Variants in PCDHA3 observed in about 807,000 individuals in gnomAD.
PCDHA3 encodes protocadherin alpha 3.
Under a neutral mutation model 62.2 loss-of-function variants are expected in PCDHA3, and 41 were observed. The ratio of observed to expected loss-of-function variants is 0.66; its 90% CI spans 0.51 to 0.86. The LOEUF (loss-of-function observed/expected upper bound fraction) is 0.86, where lower values mean the gene tolerates loss of function less well. Among genes scored for constraint, PCDHA3 ranks in the 40% least tolerant of loss-of-function variants. PCDHA3 has a pLI of 0.00. For synonymous variants in PCDHA3, 640 were observed against 555.4 expected (o/e 1.15, Z -2.14); for missense variants, 1,304 against 1,241.2 (o/e 1.05, Z -0.76).
chr5:140,890,621 A>G (rs1209531386), intron 1 of PCDHA3, among the ~76,000 whole-genome samples: 1 of 152,174 alleles, frequency 6.6e-6, no homozygotes, highest in Non-Finnish European at 1.5e-5. Context: ...TACCCTAGAA[A>G]ATTAAGCATG....
chr5:140,839,283 C>A (rs1309701563), intron 1 of PCDHA3, among the ~76,000 whole-genome samples: 1 of 151,960 alleles, frequency 6.6e-6, no homozygotes, highest in Non-Finnish European at 1.5e-5. Context: ...ACCTTCCTAG[C>A]ATATTATTAA....
At position 140,801,138 on chromosome 5, in the gene PCDHA3, G is replaced by A. The variant is rs1310225989; in HGVS notation, c.-60G>A. On this transcript the variant is annotated 5_prime_UTR_variant, in exon 1 of 4. Coordinates refer to ENST00000522353, the MANE Select transcript of PCDHA3 (RefSeq NM_018906.3). ...TTTAAGAAATGAAGATAAGGAACTC[G>A]AATTATTTTTAAACTTTGGATCAAT... 2 of 1,525,294 alleles carry A rather than the reference G, an allele frequency of 1.3e-6. No individual in the cohort carries two copies. The highest frequency in any genetic ancestry group is 2.3e-5 in the East Asian group (1 of 44,208). The allele number at this position is 1,525,294 out of a possible 1,614,324, so 94.5% of individuals were successfully genotyped here.
In PCDHA3 at chr5:140,843,032, G is replaced by A. The variant is rs2150350640; in HGVS notation, c.2394+39441G>A. The stretch of plus-strand genomic sequence containing the variant: ...GCCGGCACTGCTGGAGCCTCGGGTG[G>A]GTGGCACTGGTGGCGCAGCGAGCAA... On this transcript the variant is annotated intron_variant, in intron 1 of 3. Coordinates refer to ENST00000522353, the MANE Select transcript of PCDHA3 (RefSeq NM_018906.3). 13 of 1,595,002 alleles carry A rather than the reference G, an allele frequency of 8.2e-6. 1 individual carries two copies. In the South Asian group the frequency reaches 1.1e-4, roughly 14 times the overall value.
chr5:140,941,202 C>CTTT (rs1554213921), intron 1 of PCDHA3, among the ~76,000 whole-genome samples: 9,869 of 122,696 alleles, frequency 0.08, 560 homozygotes, highest in East Asian at 0.13. Flanking sequence ...TTTCTTTCTT[C>CTTT]CTTTCTTTCT....
chr5:140,962,216 G>C (rs554182128), intron 1 of PCDHA3, among the ~76,000 whole-genome samples: 2 of 152,170 alleles, frequency 1.3e-5, no homozygotes, highest in African/African-American at 4.8e-5. Context: ...TATTGATCTT[G>C]AGGTTCAAGT....
At chr5:140,822,933 C>T in intron 1 of PCDHA3, 1 of 1,614,270 alleles carries the variant, frequency 6.2e-7, no homozygotes, top group Non-Finnish European at 8.5e-7. Flanking sequence ...AGGTGACCTG[C>T]TCCCTAATGC....
Position 140,843,444 on chromosome 5 carries a change from C to G in PCDHA3, c.2394+39853C>G. The G allele has an allele frequency of 1.3e-6, 2 of 1,596,146 alleles. 1 individual carries two copies. ...CTGATCATCGCCATCTGCGCGGTAT[C>G]CAGCCTGCTGGTGCTCACGCTGCTG... On this transcript the variant is annotated intron_variant, in intron 1 of 3. Transcript: ENST00000522353.
At chr5:140,838,277 C>T (rs1372363386) in intron 1 of PCDHA3, among the ~76,000 whole-genome samples, 8 of 74,794 alleles carry the variant, frequency 1.1e-4, no homozygotes, top group East Asian at 6.5e-4. Flanking sequence ...CCAAGCCATG[C>T]TAATTTTTTT....
rs1554122748 is a variant in PCDHA3, at chr5:140,803,351, T to C, written c.2154T>C (p.Tyr718=). 4.3e-6 allele frequency: 7 copies of C among 1,614,186 alleles called. No individual in the cohort carries two copies. Among genetic ancestry groups the C allele is most frequent in the Admixed American group, 1.7e-5 (1 of 60,032 alleles). The change falls in exon 1 of 4, where the codon TAT becomes TAC. Residue 718 remains tyrosine, a synonymous_variant. Coordinates refer to ENST00000522353, the MANE Select transcript of PCDHA3 (RefSeq NM_018906.3). Reference sequence around the variant, plus strand: ...TGTTGGTGCTCACACTGCTGCTATATACTGCTCTGCGGTGCTCCGCGCCGC... The same window carrying C: ...TGTTGGTGCTCACACTGCTGCTATACACTGCTCTGCGGTGCTCCGCGCCGC... ...SSLLVLTLLL[Y]TALRCSAPPT... is the part of the protein sequence containing the mutation.
chr5:140,839,371 A>G (rs1475600989), intron 1 of PCDHA3, among the ~76,000 whole-genome samples: 2 of 67,948 alleles, frequency 2.9e-5, no homozygotes, highest in Admixed American at 1.8e-4. Context: ...AGCTGTATTC[A>G]TCAATTATTA....
At chr5:140,944,335 G>A (rs1196825895) in intron 1 of PCDHA3, among the ~76,000 whole-genome samples, 1 of 151,986 alleles carries the variant, frequency 6.6e-6, no homozygotes, top group African/African-American at 2.4e-5. Context: ...TTACAAGCAC[G>A]TGCCACCACA....
chr5:140,805,437 T>G (rs930579494), intron 1 of PCDHA3: 5 of 1,050,890 alleles, frequency 4.8e-6, no homozygotes, highest in Non-Finnish European at 5.7e-6. Context: ...GTTTTGGTTT[T>G]TGTGTGTGTG....
At chr5:140,959,697 CTTTGAAAGGGA>C (rs2095506406) in intron 1 of PCDHA3, among the ~76,000 whole-genome samples, 1 of 152,008 alleles carries the variant, frequency 6.6e-6, no homozygotes, top group Non-Finnish European at 1.5e-5. Flanking sequence ...ATAAAATGAG[CTTTGAAAGGGA>C]AAATTTTTAG....
chr5:140,968,994 G>T (rs1182509201), intron 1 of PCDHA3: 2 of 1,614,098 alleles, frequency 1.2e-6, no homozygotes, highest in Non-Finnish European at 1.7e-6. Context: ...GCATGCTGTG[G>T]AGGCTTCTGT....
chr5:140,850,659 C>G (rs782752701), intron 1 of PCDHA3: 1 of 1,598,246 alleles, frequency 6.3e-7, no homozygotes, highest in African/African-American at 1.3e-5. Context: ...CACTGTGCTG[C>G]GGTGCTCGGC....
chr5:140,828,225 T>A (rs1554131106), intron 1 of PCDHA3: 1 of 1,613,878 alleles, frequency 6.2e-7, no homozygotes, highest in East Asian at 2.2e-5. Context: ...GGCACCTTCG[T>A]GGGCCGGATC....
chr5:140,801,504 A>G lies in PCDHA3; in HGVS notation c.307A>G (p.Ser103Gly). The G allele has an allele frequency of 6.2e-7, 1 of 1,614,170 alleles. No homozygotes were observed. The highest frequency in any genetic ancestry group is 8.5e-7 in the Non-Finnish European group (1 of 1,180,034). Reference protein sequence around the residue: ...EELCGRSAECSIHLEVIVDRP... With the variant: ...EELCGRSAECGIHLEVIVDRP... ...ACTGTGCGGGCGGAGCGCGGAGTGC[A>G]GCATCCACCTGGAGGTGATCGTGGA... Residue 103 changes from serine (S) to glycine (G), a missense_variant, in exon 1 of 4, where the codon AGC becomes GGC. Ser to Gly is a moderately conservative substitution (Grantham distance 56). Coordinates refer to ENST00000522353, the MANE Select transcript of PCDHA3 (RefSeq NM_018906.3).
intron 1 of PCDHA3, chr5:140,858,383 A>T: frequency 6.3e-7 from 1 of 1,584,980 alleles, no homozygotes; most frequent in African/African-American, 1.3e-5. Flanking sequence ...ACCATGCCCA[A>T]TGGTAGATGT....
At chr5:140,830,348 C>G in intron 1 of PCDHA3, 1 of 1,614,076 alleles carries the variant, frequency 6.2e-7, no homozygotes, top group Non-Finnish European at 8.5e-7. Flanking sequence ...GTACTCGCAG[C>G]AGAGGCGGCA....
Sources: allele counts gnomAD v4.1 joint callset (sites outside exome capture counted in the v4.1 genomes callset), GRCh38; gene constraint gnomAD v4.1.1; transcripts MANE v1.5; gene names NCBI Gene and HGNC (gene_info 2026-07-23, HGNC 2026-07-21).